The following UNC5C variants were observed in gnomAD, a reference collection of about 807,000 sequenced individuals.
UNC5C encodes the protein unc-5 netrin receptor C, also known as netrin receptor UNC5C.
UNC5C carries 47 observed loss-of-function variants against 99.8 expected under a neutral mutation model. The observed-to-expected ratio is 0.47, with a 90% CI of 0.37 to 0.60. The LOEUF (loss-of-function observed/expected upper bound fraction) is 0.60, where lower values mean the gene tolerates loss of function less well. UNC5C is among the 20% of genes least tolerant of loss of function. The probability of loss-of-function intolerance (pLI) is 0.00; values close to 1 mark genes in which losing one functional copy is unlikely to be tolerated. For synonymous variants in UNC5C, 487 were observed against 452.2 expected, an observed-to-expected ratio of 1.08 and a Z score of -0.98; for missense variants, 1,062 against 1,165.9, an observed-to-expected ratio of 0.91 and a Z score of 1.30.
chr4:95,475,552 T>C (rs547476601), intron 1 of UNC5C, among the ~76,000 whole-genome samples: 1 of 150,186 alleles, frequency 6.7e-6, no homozygotes, highest in Non-Finnish European at 1.5e-5. Flanking sequence ...GACAGATGGA[T>C]AGATAGATAG....
At chr4:95,231,278 G>A (rs925756251) in intron 7 of UNC5C, among the ~76,000 whole-genome samples, 12 of 152,058 alleles carry the variant, frequency 7.9e-5, no homozygotes, top group Non-Finnish European at 5.9e-5. Flanking sequence ...CTGCTTCTAT[G>A]ACCTTAATAC....
At chr4:95,235,963 G>C (rs1287841905) in intron 7 of UNC5C, among the ~76,000 whole-genome samples, 3 of 152,170 alleles carry the variant, frequency 2.0e-5, no homozygotes, top group Non-Finnish European at 2.9e-5. Context: ...TGGAGAAATA[G>C]GAACACTTTT....
At chr4:95,216,285 C>G (rs988855524) in intron 9 of UNC5C, 74 bp from the exon 10 acceptor site, 11 of 1,169,980 alleles carry the variant, frequency 9.4e-6, no homozygotes, top group Non-Finnish European at 1.4e-5. Context: ...GATTTTGTGA[C>G]CGCGCAGCCA....
At chr4:95,182,716 T>A (rs1257931086) in intron 14 of UNC5C, among the ~76,000 whole-genome samples, 181 bp downstream of exon 14, 3 of 152,150 alleles carry the variant, frequency 2.0e-5, no homozygotes, top group African/African-American at 4.8e-5. Context: ...ATATATATAT[T>A]TTTTTCTGCA....
At chr4:95,498,442 G>T (rs1179222499) in intron 1 of UNC5C, among the ~76,000 whole-genome samples, 2 of 151,928 alleles carry the variant, frequency 1.3e-5, no homozygotes, top group Admixed American at 6.6e-5. Flanking sequence ...TAGTTGAAAA[G>T]TGTTACATAA....
intron 7 of UNC5C, among the ~76,000 whole-genome samples, chr4:95,234,451 T>A (rs1437820806): frequency 6.6e-6 from 1 of 152,172 alleles, no homozygotes; most frequent in Non-Finnish European, 1.5e-5. Flanking sequence ...TATGTATACA[T>A]GTGCCACGTT....
intron 10 of UNC5C, among the ~76,000 whole-genome samples, chr4:95,213,658 A>T (rs1048610057): frequency 6.6e-6 from 1 of 152,354 alleles, no homozygotes; most frequent in East Asian, 1.9e-4. Context: ...ATCCAGCTGG[A>T]AACATACCCA....
chr4:95,484,525 T>C (rs565017450), intron 1 of UNC5C, among the ~76,000 whole-genome samples: 1 of 151,928 alleles, frequency 6.6e-6, no homozygotes, highest in East Asian at 2.0e-4. Context: ...GTCTCTTCTA[T>C]ACTGAGGCTA....
At chr4:95,306,317 C>T (rs557280234) in intron 2 of UNC5C, among the ~76,000 whole-genome samples, 19 of 152,168 alleles carry the variant, frequency 1.2e-4, no homozygotes, top group African/African-American at 4.6e-4. Flanking sequence ...ATTCTCCTGC[C>T]TCAGCCTCCG....
intron 1 of UNC5C, among the ~76,000 whole-genome samples, chr4:95,374,400 A>G (rs1560809488): frequency 6.6e-6 from 1 of 152,146 alleles, no homozygotes. Flanking sequence ...CAATGACCAG[A>G]TTCCTTAGTT....
At chr4:95,177,874 CTTTT>C (rs34351357) in intron 14 of UNC5C, among the ~76,000 whole-genome samples, 1 of 146,766 alleles carries the variant, frequency 6.8e-6, no homozygotes, top group Non-Finnish European at 1.5e-5. Flanking sequence ...GCTAATTTGC[CTTTT>C]TTTTTTTTAA....
At chr4:95,500,354 G>C (rs907478958) in intron 1 of UNC5C, among the ~76,000 whole-genome samples, 1 of 151,988 alleles carries the variant, frequency 6.6e-6, no homozygotes, top group Admixed American at 6.6e-5. Context: ...GACTATAGAA[G>C]TGTTTTGCTC....
At chr4:95,474,323 C>G (rs2149475476) in intron 1 of UNC5C, among the ~76,000 whole-genome samples, 1 of 152,210 alleles carries the variant, frequency 6.6e-6, no homozygotes, top group East Asian at 1.9e-4. Flanking sequence ...TGAAGTCTCA[C>G]TCTGTCACAC....
chr4:95,331,125 C>G (rs1743094339), intron 2 of UNC5C, among the ~76,000 whole-genome samples: 4 of 152,040 alleles, frequency 2.6e-5, no homozygotes, highest in Non-Finnish European at 1.5e-5. Context: ...CAGTTCCATC[C>G]ATGTTGCTGC....
chr4:95,448,234 G>GAGAGAGAGAGAC (rs1747174180), intron 1 of UNC5C, among the ~76,000 whole-genome samples: 22 of 143,358 alleles, frequency 1.5e-4, no homozygotes, highest in African/African-American at 4.6e-4. Flanking sequence ...GTGTGAGAGA[G>GAGAGAGAGAGAC]AGAGAGAGAG....
intron 1 of UNC5C, among the ~76,000 whole-genome samples, chr4:95,373,990 T>C (rs1579366917): frequency 6.6e-6 from 1 of 152,168 alleles, no homozygotes; most frequent in Non-Finnish European, 1.5e-5. Flanking sequence ...ATTTGAAGAA[T>C]GGGTCTGAAT....
At chr4:95,299,062 CA>C (rs1741775889) in intron 3 of UNC5C, among the ~76,000 whole-genome samples, 3 of 152,142 alleles carry the variant, frequency 2.0e-5, no homozygotes, top group Admixed American at 1.3e-4. Flanking sequence ...CCCATTCCCC[CA>C]AATTCTGATG....
chr4:95,372,957 A>T (rs1386648397), intron 1 of UNC5C, among the ~76,000 whole-genome samples: 7 of 152,194 alleles, frequency 4.6e-5, no homozygotes, highest in Non-Finnish European at 8.8e-5. Flanking sequence ...AGTAAAAACA[A>T]TACAAGGTTG....
intron 9 of UNC5C, among the ~76,000 whole-genome samples, 198 bp downstream of exon 9, chr4:95,218,771 G>C (rs1738351228): frequency 1.3e-5 from 2 of 152,170 alleles, no homozygotes; most frequent in African/African-American, 4.8e-5. Flanking sequence ...AGTGTTTTCA[G>C]AATTAGTTGG....
Sources: gnomAD v4.1 joint callset for allele counts (sites outside exome capture counted in the v4.1 genomes callset) on GRCh38, gnomAD v4.1.1 for gene constraint, MANE v1.5 for transcripts, NCBI Gene and HGNC (gene_info 2026-07-23, HGNC 2026-07-21) for gene names.